The following NBAS variants were observed in gnomAD, a reference collection of about 807,000 sequenced individuals.
The protein encoded by NBAS is NBAS subunit of NRZ tethering complex.
NBAS carries 219 observed loss-of-function variants against 302.5 expected under a neutral mutation model. The ratio of observed to expected loss-of-function variants is 0.72; its 90% CI spans 0.65 to 0.81. NBAS has a LOEUF of 0.81. NBAS is among the 30% of genes least tolerant of loss of function. NBAS has a pLI of 0.00. For synonymous variants in NBAS, 1,118 were observed against 1,021.6 expected (o/e 1.09, Z -1.80); for missense variants, 2,932 against 2,841.6 (o/e 1.03, Z -0.72).
rs145991486 is a variant in NBAS, at chr2:15,461,339, T to C, written c.2203-2A>G. On this transcript the variant is annotated splice_acceptor_variant, in intron 20 of 51. Coordinates refer to ENST00000281513, the MANE Select transcript of NBAS (RefSeq NM_015909.4). LOFTEE classifies it high-confidence loss of function. ...TTCCAGGGCTTGTACATTACTTTCC[T>C]GTACAAAAGGCAAGGGGTAAGTTTC... The C allele has an allele frequency of 6.2e-7, 1 of 1,611,482 alleles. No individual in the cohort carries two copies. The highest frequency in any genetic ancestry group is 2.2e-5 in the East Asian group (1 of 44,836).
intron 21 of NBAS, among the ~76,000 whole-genome samples, chr2:15,444,725 A>C (rs1006545961): frequency 2.0e-5 from 3 of 150,800 alleles, no homozygotes; most frequent in Non-Finnish European, 4.5e-5. Flanking sequence ...GCAACCTACA[A>C]AATGGGAGAA....
chr2:15,359,296 G>A (rs555363646), intron 32 of NBAS, among the ~76,000 whole-genome samples: 1 of 152,276 alleles, frequency 6.6e-6, no homozygotes, highest in Non-Finnish European at 1.5e-5. Flanking sequence ...CCAACCATTT[G>A]AAACAAAGTA....
At chr2:14,873,106 A>G in the NBAS span, among the ~76,000 whole-genome samples, 5 of 152,218 alleles carry the variant, frequency 3.3e-5, no homozygotes, top group African/African-American at 1.2e-4. Context: ...CCCCACCCAC[A>G]TCCTGCTGAT....
intron 30 of NBAS, among the ~76,000 whole-genome samples, chr2:15,377,405 G>A (rs899434209): frequency 3.3e-5 from 5 of 152,144 alleles, no homozygotes; most frequent in Admixed American, 3.3e-4. Context: ...TTTTGCATGT[G>A]CTTACCCTTT....
chr2:14,956,155 A>G, the NBAS span, among the ~76,000 whole-genome samples: 1 of 152,198 alleles, frequency 6.6e-6, no homozygotes, highest in Non-Finnish European at 1.5e-5. Flanking sequence ...TCTTTGCAAA[A>G]GAAAAGCAAG....
chr2:14,925,951 A>T, the NBAS span, among the ~76,000 whole-genome samples: 1 of 152,192 alleles, frequency 6.6e-6, no homozygotes, highest in Non-Finnish European at 1.5e-5. Flanking sequence ...AGCAAAGTCC[A>T]TGAGGATGTA....
chr2:15,389,256 A>T (rs948004029), intron 28 of NBAS, among the ~76,000 whole-genome samples: 15 of 152,228 alleles, frequency 9.9e-5, no homozygotes, highest in Non-Finnish European at 1.0e-4. Flanking sequence ...CTTATGTAAT[A>T]CAACCAGTAT....
chr2:15,382,232 G>A (rs907211030), intron 29 of NBAS, among the ~76,000 whole-genome samples: 3 of 152,028 alleles, frequency 2.0e-5, no homozygotes, highest in Non-Finnish European at 2.9e-5. Context: ...CCCACACACA[G>A]GTGTACATAT....
intron 48 of NBAS, among the ~76,000 whole-genome samples, chr2:15,202,686 C>A (rs1665937414): frequency 1.3e-5 from 2 of 152,176 alleles, no homozygotes; most frequent in African/African-American, 4.8e-5. Context: ...ATTACAGGCA[C>A]CTGTTACCAC....
At chr2:14,912,504 A>C in the NBAS span, among the ~76,000 whole-genome samples, 2 of 152,166 alleles carry the variant, frequency 1.3e-5, no homozygotes, top group Admixed American at 6.5e-5. Flanking sequence ...TGTCCCATCA[A>C]GCCACTGCCA....
chr2:15,136,787 C>G, the NBAS span, among the ~76,000 whole-genome samples: 6 of 152,158 alleles, frequency 3.9e-5, no homozygotes, highest in Non-Finnish European at 5.9e-5. Flanking sequence ...TTCCCCCATG[C>G]TCTTCTCTTG....
At chr2:14,925,123 A>C in the NBAS span, among the ~76,000 whole-genome samples, 1 of 152,220 alleles carries the variant, frequency 6.6e-6, no homozygotes, top group East Asian at 1.9e-4. Context: ...GTCAGTTCGC[A>C]AACCCAGAGC....
intron 4 of NBAS, 72 bp downstream of exon 4, chr2:15,553,989 C>T: frequency 7.3e-7 from 1 of 1,363,802 alleles, no homozygotes; most frequent in South Asian, 1.2e-5. Flanking sequence ...ACAAGCATTC[C>T]AAAATTAACG....
At chr2:15,143,129 T>G in the NBAS span, among the ~76,000 whole-genome samples, 1 of 152,208 alleles carries the variant, frequency 6.6e-6, no homozygotes, top group Non-Finnish European at 1.5e-5. Context: ...AAGCCTACTG[T>G]TATCATTTAC....
chr2:15,276,583 G>C (rs952255146), intron 43 of NBAS, among the ~76,000 whole-genome samples: 3 of 152,126 alleles, frequency 2.0e-5, no homozygotes, highest in Non-Finnish European at 2.9e-5. Context: ...AAAAATCCTG[G>C]AGCAGAAGTC....
At chr2:15,190,139 G>A (rs1665278616) in intron 49 of NBAS, 125 bp downstream of exon 49, 10 of 1,096,318 alleles carry the variant, frequency 9.1e-6, no homozygotes, top group Non-Finnish European at 1.3e-5. Context: ...TCCTCTAAAG[G>A]CAAATACTGA....
the NBAS span, among the ~76,000 whole-genome samples, chr2:15,021,519 A>T: frequency 4.6e-5 from 7 of 152,192 alleles, no homozygotes; most frequent in Non-Finnish European, 8.8e-5. Context: ...ACCTTGAAGG[A>T]TGCATAGCAT....
At chr2:15,441,340 G>A (rs2148514453) in intron 21 of NBAS, among the ~76,000 whole-genome samples, 1 of 152,198 alleles carries the variant, frequency 6.6e-6, no homozygotes, top group African/African-American at 2.4e-5. Flanking sequence ...GAAGAGAGTG[G>A]GGGCCAATAT....
At chr2:15,085,634 G>C in the NBAS span, among the ~76,000 whole-genome samples, 1 of 152,180 alleles carries the variant, frequency 6.6e-6, no homozygotes, top group East Asian at 1.9e-4. Flanking sequence ...CCTGAGCACA[G>C]CTGCAGCCAC....
Sources: gnomAD v4.1 joint callset for allele counts (sites outside exome capture counted in the v4.1 genomes callset) on GRCh38, gnomAD v4.1.1 for gene constraint, MANE v1.5 for transcripts, NCBI Gene and HGNC (gene_info 2026-07-23, HGNC 2026-07-21) for gene names.